Variants in KIAA0586 observed in about 807,000 individuals in gnomAD.
KIAA0586 encodes the protein protein TALPID3.
Under a neutral mutation model 169.8 loss-of-function variants are expected in KIAA0586, and 144 were observed. That is an observed-to-expected ratio of 0.85 (90% CI 0.74 to 0.97). The LOEUF (loss-of-function observed/expected upper bound fraction) is 0.97. Among genes scored for constraint, KIAA0586 ranks in the 50% least tolerant of loss-of-function variants. KIAA0586 has a pLI of 0.00. For synonymous variants in KIAA0586, 625 were observed against 612.4 expected (o/e 1.02, Z -0.30); for missense variants, 1,854 against 1,823.0 (o/e 1.02, Z -0.31).
chr14:58,488,037 G>C lies in KIAA0586; in HGVS notation c.3455G>C (p.Trp1152Ser). 1 of 1,610,916 alleles carries C rather than the reference G, an allele frequency of 6.2e-7. No homozygotes were observed. The highest frequency in any genetic ancestry group is 8.5e-7 in the Non-Finnish European group (1 of 1,178,630). The change falls in exon 23 of 31, where the codon TGG becomes TCG. Residue 1152 changes from tryptophan (W) to serine (S), a missense_variant. Coordinates refer to ENST00000652326, the MANE Select transcript of KIAA0586 (RefSeq NM_001329943.3). ...TCAAGCCCAGAGCTTCCCAAGCCATGGGGTGATGGAGACCTGCCACTGGAA... is the reference window on the plus strand; with the variant it reads ...TCAAGCCCAGAGCTTCCCAAGCCATCGGGTGATGGAGACCTGCCACTGGAA... ...KVSSPELPKPWGDGDLPLEEE... is the reference protein window; with the variant it reads ...KVSSPELPKPSGDGDLPLEEE...
In KIAA0586 at chr14:58,512,545, T is replaced by C. The variant is rs1595442595; in HGVS notation, c.4347T>C (p.Asp1449=). The change falls in exon 29 of 31, where the codon GAT becomes GAC. Residue 1449 remains aspartate (D), a synonymous_variant. Coordinates refer to ENST00000652326, the MANE Select transcript of KIAA0586 (RefSeq NM_001329943.3). The stretch of plus-strand genomic sequence containing the variant: ...AGTACCAACTAAAGCAAAATCAGGA[T>C]GTTAAGCAAGTTGAACACAAACCAT... The part of the protein sequence containing the change: ...FSQYQLKQNQ[D]VKQVEHKPSQ... 2 of 1,538,864 alleles carry C rather than the reference T, an allele frequency of 1.3e-6. No individual in the cohort carries two copies. The highest frequency in any genetic ancestry group is 8.7e-7 in the Non-Finnish European group (1 of 1,150,002).
In KIAA0586 at chr14:58,450,736, G is replaced by A. The variant is rs1748971; in HGVS notation, c.1119G>A (p.Ser373=). Residue 373 remains serine (S), a synonymous_variant, in exon 8 of 31, where the codon TCG becomes TCA. Coordinates refer to ENST00000652326, the MANE Select transcript of KIAA0586 (RefSeq NM_001329943.3). ...AAGAAAAAGAAAATATGGAAGTGTC[G>A]TGTCACAGAGGTAATAGAGACTTTT... The part of the protein sequence containing the change: ...LLEEKENMEV[S]CHRGNVRLLE... 1 allele frequency: 1,598,256 copies of A among 1,599,156 alleles called. 798,683 individuals are homozygous for A. Among genetic ancestry groups the A allele is most frequent in the East Asian group, 1 (44,738 of 44,738 alleles).
chr14:58,441,854 A>T (rs552550899), intron 4 of KIAA0586: 1 of 151,734 alleles, frequency 6.6e-6, no homozygotes, highest in Admixed American at 6.6e-5. Flanking sequence ...GGCTAGTCTC[A>T]AACTCCTGAG....
Position 58,429,347 on chromosome 14 carries a change from T to C in KIAA0586, c.200-16T>C. The C allele has an allele frequency of 6.7e-7, 1 of 1,490,466 alleles. No homozygotes were observed. The highest frequency in any genetic ancestry group is 2.3e-5 in the East Asian group (1 of 44,134). 92.3% of individuals were successfully genotyped at this position (1,490,466 alleles called of 1,614,324 possible). ...TGATTTTAAAATCACTAAAATCTAT[T>C]CCTTTGTTTTGTTAGGTTCATCAGA... On this transcript the variant is annotated splice_polypyrimidine_tract_variant and intron_variant, in intron 1 of 30. Transcript: ENST00000652326.
At chr14:58,464,715 C>G (rs1341377829) in intron 14 of KIAA0586, among the ~76,000 whole-genome samples, 8 of 152,086 alleles carry the variant, frequency 5.3e-5, no homozygotes, top group African/African-American at 2.4e-5. Context: ...CAATGGATGC[C>G]TGAAACTGTG....
rs1255154711 is a variant in KIAA0586, at chr14:58,487,030, T to TACC, written c.3169_3171dup (p.Thr1057dup). On this transcript the variant is annotated inframe_insertion, in exon 22 of 31. Transcript: ENST00000652326. ...AGGCAAGAGTGTGCACCCCACTGCC[T>TACC]ACCCCACAGCCTACGCCTCCTTGCT... is the stretch of plus-strand genomic sequence containing the variant. 17 of 1,611,870 alleles carry TACC rather than the reference T, an allele frequency of 1.1e-5. No homozygotes were observed. Among genetic ancestry groups the TACC allele is most frequent in the Non-Finnish European group, 1.4e-5 (16 of 1,178,850 alleles).
rs1213403944 is a variant in KIAA0586, at chr14:58,490,155, A to T, written c.3782-9A>T. 2 of 1,262,570 alleles carry T rather than the reference A, an allele frequency of 1.6e-6. No individual in the cohort carries two copies. The highest frequency in any genetic ancestry group is 2.2e-6 in the Non-Finnish European group (2 of 916,832). 78.2% of individuals were successfully genotyped at this position (1,262,570 alleles called of 1,614,324 possible). On this transcript the variant is annotated splice_polypyrimidine_tract_variant and intron_variant, in intron 24 of 30. Coordinates refer to ENST00000652326, the MANE Select transcript of KIAA0586 (RefSeq NM_001329943.3). ...TTTTTTTTCTAAACTTTTATATTTT[A>T]ATTTCTAGTTTTAGAAGATATAGGA...
intron 29 of KIAA0586, among the ~76,000 whole-genome samples, chr14:58,527,656 T>A (rs1377309684): frequency 2.6e-5 from 4 of 152,220 alleles, no homozygotes; most frequent in Non-Finnish European, 5.9e-5. Flanking sequence ...AAGCCAATGC[T>A]GAAAGATTTT....
At position 58,488,870 on chromosome 14, in the gene KIAA0586, C is replaced by T. The variant is rs2042649485; in HGVS notation, c.3777C>T (p.Pro1259=). ...ILFSCGQKLA[P]KILEDIGLYL... ...TTAGCTGTGGTCAAAAATTGGCCCC[C>T]AAGAGTAAGTTAATTTGTATTAGTT... Residue 1259 remains proline (P), a synonymous_variant, in exon 24 of 31, where the codon CCC becomes CCT. Transcript: ENST00000652326. 3 of 1,613,232 alleles carry T rather than the reference C, an allele frequency of 1.9e-6. No individual in the cohort carries two copies. Among genetic ancestry groups the T allele is most frequent in the Middle Eastern group, 1.7e-4 (1 of 6,058 alleles).
At chr14:58,479,065 G>C (rs2041855266) in intron 20 of KIAA0586, among the ~76,000 whole-genome samples, 1 of 152,140 alleles carries the variant, frequency 6.6e-6, no homozygotes, top group Non-Finnish European at 1.5e-5. Context: ...TTGGTCATAT[G>C]ATAAGTAAAT....
intron 29 of KIAA0586, among the ~76,000 whole-genome samples, chr14:58,527,152 A>G (rs2045642848): frequency 6.6e-6 from 1 of 152,188 alleles, no homozygotes; most frequent in Non-Finnish European, 1.5e-5. Context: ...ACAAGAATAG[A>G]GAAAAAAGAA....
Position 58,488,158 on chromosome 14 carries a change from G to A in KIAA0586, c.3527+49G>A, listed in dbSNP as rs1341428842. ...TAACTGTACATTTCAACTTATGTTTGACTTATGTGATCCATTGAAAACATA... is the reference window on the plus strand; with the variant it reads ...TAACTGTACATTTCAACTTATGTTTAACTTATGTGATCCATTGAAAACATA... On this transcript the variant is annotated intron_variant, in intron 23 of 30. Transcript: ENST00000652326. The A allele has an allele frequency of 3.0e-6, 4 of 1,338,940 alleles. No homozygotes were observed. In the African/African-American group the frequency reaches 5.8e-5, roughly 19 times the overall value. 82.9% of individuals were successfully genotyped at this position (1,338,940 alleles called of 1,614,324 possible).
chr14:58,467,136 A>G (rs891281946), intron 15 of KIAA0586, among the ~76,000 whole-genome samples: 2 of 152,212 alleles, frequency 1.3e-5, no homozygotes, highest in African/African-American at 2.4e-5. Flanking sequence ...CTGTTTAAAC[A>G]TATCTCCTAG....
intron 29 of KIAA0586, among the ~76,000 whole-genome samples, chr14:58,515,694 G>A (rs900869896): frequency 1.2e-4 from 18 of 152,034 alleles, no homozygotes; most frequent in Non-Finnish European, 4.4e-5. Flanking sequence ...AGGGGTTGGG[G>A]CACAGACTAA....
intron 4 of KIAA0586, among the ~76,000 whole-genome samples, chr14:58,441,518 T>C (rs2038369581): frequency 6.6e-6 from 1 of 152,114 alleles, no homozygotes; most frequent in Non-Finnish European, 1.5e-5. Context: ...TTATAATTCT[T>C]ATATAAATAT....
chr14:58,540,067 G>A lies in KIAA0586; in HGVS notation c.4430-4G>A. 1 of 1,521,338 alleles carries A rather than the reference G, an allele frequency of 6.6e-7. No homozygotes were observed. The highest frequency in any genetic ancestry group is 8.9e-7 in the Non-Finnish European group (1 of 1,118,820). 94.2% of individuals were successfully genotyped at this position (1,521,338 alleles called of 1,614,324 possible). ...TTCTTCTGAAAAAATAAATTTTTAT[G>A]TAGTTTCACCAGGTGATATGGATCG... is the stretch of plus-strand genomic sequence containing the variant. On this transcript the variant is annotated splice_polypyrimidine_tract_variant and splice_region_variant and intron_variant, in intron 29 of 30. Coordinates refer to ENST00000652326, the MANE Select transcript of KIAA0586 (RefSeq NM_001329943.3).
downstream of KIAA0586, among the ~76,000 whole-genome samples, chr14:58,555,891 C>G (rs1016007481): frequency 6.6e-6 from 1 of 152,154 alleles, no homozygotes; most frequent in East Asian, 1.9e-4. Context: ...TGATGGAACT[C>G]TTTGTAGTTG....
chr14:58,474,842 A>G (rs768137866), intron 19 of KIAA0586, 45 bp downstream of exon 19: 2 of 1,309,320 alleles, frequency 1.5e-6, no homozygotes, highest in East Asian at 2.5e-5. Flanking sequence ...ATAGTAGAAA[A>G]TATAAATGGA....
chr14:58,467,688 C>CT (rs763022293), intron 15 of KIAA0586, 47 bp from the exon 16 acceptor site: 5 of 1,416,506 alleles, frequency 3.5e-6, no homozygotes, highest in Middle Eastern at 1.8e-4. Context: ...AGACTTTTCC[C>CT]TTTTTTTCTG....
Sources: gnomAD v4.1 joint callset for allele counts (sites outside exome capture counted in the v4.1 genomes callset) on GRCh38, gnomAD v4.1.1 for gene constraint, MANE v1.5 for transcripts, NCBI Gene and HGNC (gene_info 2026-07-23, HGNC 2026-07-21) for gene names.